GPC6: variants seen among roughly 807,000 people sequenced by gnomAD.
The protein encoded by GPC6 is glypican-6.
Under a neutral mutation model 55.2 loss-of-function variants are expected in GPC6, and 14 were observed. The ratio of observed to expected loss-of-function variants is 0.25; its 90% CI spans 0.17 to 0.40. The LOEUF (loss-of-function observed/expected upper bound fraction) is 0.40. Among genes scored for constraint, GPC6 ranks in the 10% least tolerant of loss-of-function variants. The pLI, the probability that GPC6 is intolerant of heterozygous loss-of-function variation, is 1.00. For synonymous variants in GPC6, 278 were observed against 259.6 expected (o/e 1.07, Z -0.68); for missense variants, 641 against 708.5 (o/e 0.90, Z 1.08).
At chr13:94,237,885 A>C (rs1470843785) in intron 4 of GPC6, among the ~76,000 whole-genome samples, 3 of 152,176 alleles carry the variant, frequency 2.0e-5, no homozygotes, top group Non-Finnish European at 4.4e-5. Context: ...TAATGAGCAA[A>C]AATGAAAACA....
chr13:93,815,157 A>G (rs1441741427), intron 2 of GPC6, among the ~76,000 whole-genome samples: 1 of 152,178 alleles, frequency 6.6e-6, no homozygotes, highest in Non-Finnish European at 1.5e-5. Context: ...CTTTTATGAC[A>G]CACATCAGAG....
intron 4 of GPC6, among the ~76,000 whole-genome samples, chr13:94,132,463 C>T (rs768698386): frequency 2.6e-5 from 4 of 152,134 alleles, no homozygotes; most frequent in African/African-American, 7.2e-5. Flanking sequence ...GTCTGACAGA[C>T]GCTGTAGCCT....
intron 3 of GPC6, among the ~76,000 whole-genome samples, chr13:93,930,167 T>G (rs1448189841): frequency 6.6e-6 from 1 of 152,108 alleles, no homozygotes; most frequent in African/African-American, 2.4e-5. Context: ...TAAAAGCTGC[T>G]GGGATCATTC....
intron 4 of GPC6, among the ~76,000 whole-genome samples, chr13:94,193,604 G>A (rs565405054): frequency 1.2e-4 from 19 of 152,218 alleles, no homozygotes; most frequent in Non-Finnish European, 1.5e-5. Context: ...GTGAGCGTGC[G>A]ACATGCCAGA....
chr13:93,522,754 C>T (rs993968841), intron 1 of GPC6, among the ~76,000 whole-genome samples: 4 of 151,792 alleles, frequency 2.6e-5, no homozygotes, highest in East Asian at 1.9e-4. Flanking sequence ...GGCTAAAATC[C>T]GGAGGCATTT....
chr13:93,583,683 T>C (rs1265691556), intron 2 of GPC6, among the ~76,000 whole-genome samples: 1 of 152,254 alleles, frequency 6.6e-6, no homozygotes, highest in Non-Finnish European at 1.5e-5. Context: ...CCCAAAGTGC[T>C]GGGATTACAT....
intron 1 of GPC6, among the ~76,000 whole-genome samples, chr13:93,411,011 C>T (rs61964164): frequency 6.6e-6 from 1 of 152,122 alleles, no homozygotes; most frequent in African/African-American, 2.4e-5. Context: ...TCCCCTACTT[C>T]TTGTGTTTCC....
chr13:94,366,683 A>G (rs932525691), intron 6 of GPC6, among the ~76,000 whole-genome samples: 1 of 152,232 alleles, frequency 6.6e-6, no homozygotes, highest in Admixed American at 6.5e-5. Context: ...AATCATGGCA[A>G]GTTCCTTGGG....
intron 3 of GPC6, among the ~76,000 whole-genome samples, chr13:93,943,395 T>A (rs1379635009): frequency 1.3e-5 from 2 of 152,110 alleles, no homozygotes; most frequent in African/African-American, 2.4e-5. Context: ...AACACACTGA[T>A]GACAGAGCTA....
intron 4 of GPC6, among the ~76,000 whole-genome samples, chr13:94,152,479 G>C (rs973035678): frequency 6.6e-6 from 1 of 152,024 alleles, no homozygotes; most frequent in Non-Finnish European, 1.5e-5. Context: ...TCAGGTATTA[G>C]AACTGTATTT....
At chr13:93,944,001 TC>T (rs1475889063) in intron 3 of GPC6, among the ~76,000 whole-genome samples, 1 of 152,182 alleles carries the variant, frequency 6.6e-6, no homozygotes, top group Non-Finnish European at 1.5e-5. Context: ...TCACTCAGCA[TC>T]CCCTATCTGG....
At chr13:94,336,421 G>T (rs1363777558) in intron 6 of GPC6, among the ~76,000 whole-genome samples, 1 of 152,138 alleles carries the variant, frequency 6.6e-6, no homozygotes, top group Non-Finnish European at 1.5e-5. Flanking sequence ...TTCTTTCCAT[G>T]ATCAAGGCAA....
chr13:93,568,522 A>C (rs779598724), intron 2 of GPC6, among the ~76,000 whole-genome samples: 3 of 152,188 alleles, frequency 2.0e-5, no homozygotes, highest in Non-Finnish European at 2.9e-5. Context: ...CGACTGTTCT[A>C]TACACATACC....
chr13:93,935,360 T>C (rs1213716219), intron 3 of GPC6, among the ~76,000 whole-genome samples: 1 of 152,190 alleles, frequency 6.6e-6, no homozygotes, highest in African/African-American at 2.4e-5. Flanking sequence ...GAACATGAAA[T>C]ATTTGATTTT....
At chr13:94,164,537 G>T (rs962657894) in intron 4 of GPC6, among the ~76,000 whole-genome samples, 1 of 152,188 alleles carries the variant, frequency 6.6e-6, no homozygotes, top group African/African-American at 2.4e-5. Flanking sequence ...AGTGTAACAA[G>T]CAGTAAAGAA....
At chr13:93,525,973 A>G (rs535599208) in intron 1 of GPC6, among the ~76,000 whole-genome samples, 28 of 152,222 alleles carry the variant, frequency 1.8e-4, no homozygotes, top group African/African-American at 6.5e-4. Flanking sequence ...GTAGGATCCT[A>G]GAGTTTAAAA....
In GPC6 at chr13:93,304,883, A is replaced by C. The variant is rs118062841; in HGVS notation, c.160+77267A>C. On this transcript the variant is annotated intron_variant, in intron 1 of 8. Transcript: ENST00000377047. ...TTGGCTGAAGAGGGAGTCTTTGTCTATACAAGTATGTTTGGCTTTCTCTGT... is the reference window on the plus strand; with the variant it reads ...TTGGCTGAAGAGGGAGTCTTTGTCTCTACAAGTATGTTTGGCTTTCTCTGT... 4.9e-3 allele frequency among the ~76,000 whole-genome samples: 741 copies of C among 152,306 alleles called. 4 individuals carry two copies. Among genetic ancestry groups the C allele is most frequent in the Middle Eastern group, 0.037 (11 of 294 alleles).
At position 93,318,781 on chromosome 13, in the gene GPC6, C is replaced by G. The variant is rs534636618; in HGVS notation, c.160+91165C>G. ...AAGTGCGGAAGCCAGTTGTGAAATACGGGGCTGAAACAAGGAAGTTTGTTC... is the reference window on the plus strand; with the variant it reads ...AAGTGCGGAAGCCAGTTGTGAAATAGGGGGCTGAAACAAGGAAGTTTGTTC... On this transcript the variant is annotated intron_variant, in intron 1 of 8. Transcript: ENST00000377047. Among the ~76,000 whole-genome samples the G allele has an allele frequency of 2.0e-5, 3 of 152,156 alleles. No homozygotes were observed. The South Asian group carries it at 6.2e-4, about 32-fold the overall frequency.
chr13:93,352,452 A>T (rs1441257293), intron 1 of GPC6, among the ~76,000 whole-genome samples: 1 of 152,156 alleles, frequency 6.6e-6, no homozygotes, highest in Non-Finnish European at 1.5e-5. Flanking sequence ...TTGAAATTCT[A>T]TTTAGCTTGG....
Sources: allele counts gnomAD v4.1 joint callset (sites outside exome capture counted in the v4.1 genomes callset), GRCh38; gene constraint gnomAD v4.1.1; transcripts MANE v1.5; gene names NCBI Gene and HGNC (gene_info 2026-07-23, HGNC 2026-07-21).